EXD3: variants seen among roughly 807,000 people sequenced by gnomAD.
EXD3 encodes the protein exonuclease 3'-5' domain containing 3.
In EXD3, 92 loss-of-function variants were observed where a neutral mutation model predicts 98.0. That is an observed-to-expected ratio of 0.94 (90% confidence interval 0.79 to 1.12). The LOEUF is 1.12. EXD3 is among the 50% of genes most tolerant of loss of function. The pLI, the probability that EXD3 is intolerant of heterozygous loss-of-function variation, is 0.00. For missense variants in EXD3, 1,222 were observed against 1,191.6 expected (o/e 1.03, Z -0.38); for synonymous variants, 569 against 526.0 (o/e 1.08, Z -1.12).
In EXD3 at chr9:137,394,873, C is replaced by T. The variant is rs192992304; in HGVS notation, c.55+430G>A. Among the ~76,000 whole-genome samples, 81 of 152,230 alleles carry T rather than the reference C, an allele frequency of 5.3e-4. 1 individual carries two copies. The highest frequency in any genetic ancestry group is 1.6e-3 in the Admixed American group (25 of 15,300). On this transcript the variant is annotated intron_variant, in intron 2 of 21. Coordinates refer to ENST00000340951, the MANE Select transcript of EXD3 (RefSeq NM_017820.5). ...CCCTGGAGGCCACCCTGGAACCGCC[C>T]GAGACCCAAGAGGCTGTGGGTTCCC...
In EXD3 at chr9:137,349,006, C is replaced by T. The variant is rs1253011715; in HGVS notation, c.1830+104G>A. ...CTCCAGGAGCTGGGCCCCCTCCACA[C>T]GCTCTGACCCAGTGGCCTTGTCTCC... On this transcript the variant is annotated intron_variant, in intron 16 of 21. Coordinates refer to ENST00000340951, the MANE Select transcript of EXD3 (RefSeq NM_017820.5). The surrounding 1 kb of genome is among the most constrained non-coding windows in gnomAD (Gnocchi z 7.4). The T allele has an allele frequency of 2.1e-5, 29 of 1,350,260 alleles. No individual in the cohort carries two copies. In the East Asian group the frequency reaches 2.5e-4, roughly 12 times the overall value. 83.6% of individuals were successfully genotyped at this position (1,350,260 alleles called of 1,614,324 possible).
chr9:137,373,300 C>A, intron 4 of EXD3, 126 bp downstream of exon 4: 1 of 1,251,680 alleles, frequency 8.0e-7, no homozygotes, highest in Non-Finnish European at 1.1e-6. Flanking sequence ...TAGCCCCCAG[C>A]ATCCCCCTCC....
intron 11 of EXD3, 136 bp downstream of exon 11, chr9:137,352,484 T>G: frequency 6.0e-6 from 6 of 996,176 alleles, no homozygotes; most frequent in Non-Finnish European, 8.6e-6. Flanking sequence ...GCTCTGTGTA[T>G]AGCTGCGCTC....
chr9:137,352,173 C>T lies in EXD3; in HGVS notation c.1066G>A (p.Val356Met), dbSNP rs759819456. The T allele has an allele frequency of 1.7e-5, 27 of 1,612,684 alleles. 1 individual carries two copies. The Middle Eastern group carries it at 6.6e-4, about 39-fold the overall frequency. ...TAGTAACGGTCCTTCATGTCCTTCACCTCCAGCCTCGAGTCAGCCTCAGTC... is the reference window on the plus strand; with the variant it reads ...TAGTAACGGTCCTTCATGTCCTTCATCTCCAGCCTCGAGTCAGCCTCAGTC... Reference protein sequence around the residue: ...RATEADSRLEVKDMKDRYYQL... With the variant: ...RATEADSRLEMKDMKDRYYQL... The change falls in exon 12 of 22, where the codon GTG becomes ATG. Residue 356 changes from valine (V) to methionine (M), a missense_variant. By Grantham distance (21) the Val-to-Met change is conservative (BLOSUM62 1). Coordinates refer to ENST00000340951, the MANE Select transcript of EXD3 (RefSeq NM_017820.5).
chr9:137,394,621 G>T (rs1343292809), intron 2 of EXD3, among the ~76,000 whole-genome samples: 2 of 152,154 alleles, frequency 1.3e-5, no homozygotes, highest in African/African-American at 2.4e-5. Context: ...GCAGGGTCTC[G>T]ATCTGTAGGA....
chr9:137,368,693 G>A (rs1835404828), intron 5 of EXD3, among the ~76,000 whole-genome samples: 2 of 152,260 alleles, frequency 1.3e-5, no homozygotes. Context: ...CAAAATAGCG[G>A]CCTGGGAAAG....
chr9:137,395,840 C>A lies in EXD3; in HGVS notation c.-47-436G>T, dbSNP rs994270973. The stretch of plus-strand genomic sequence containing the variant: ...CAAGGGCGCCTGCAGGACCAGGGAC[C>A]TCGGAGTGACGCCCTCACGGCTGAC... On this transcript the variant is annotated intron_variant, in intron 1 of 21. Transcript: ENST00000340951. The surrounding 1 kb of genome is among the most constrained non-coding windows in gnomAD (Gnocchi z 6.5). Among the ~76,000 whole-genome samples the A allele has an allele frequency of 6.6e-6, 1 of 152,186 alleles. No individual in the cohort carries two copies. The highest frequency in any genetic ancestry group is 2.4e-5 in the African/African-American group (1 of 41,454).
intron 3 of EXD3, among the ~76,000 whole-genome samples, chr9:137,380,770 TG>T (rs1242867951): frequency 7.1e-6 from 1 of 141,454 alleles, no homozygotes; most frequent in Non-Finnish European, 1.5e-5. Flanking sequence ...GTAGTGGGGC[TG>T]GGGGGGTCCC....
At chr9:137,359,035 C>T (rs532037844) in intron 7 of EXD3, among the ~76,000 whole-genome samples, 1 of 144,184 alleles carries the variant, frequency 6.9e-6, no homozygotes, top group African/African-American at 2.5e-5. Context: ...CAAGCTCCGC[C>T]TCCTGGGTTC....
chr9:137,362,150 C>T (rs1384763615), intron 7 of EXD3, among the ~76,000 whole-genome samples: 1 of 152,130 alleles, frequency 6.6e-6, no homozygotes, highest in African/African-American at 2.4e-5. Flanking sequence ...GGGAGTAATT[C>T]CAAGCTCATT....
intron 17 of EXD3, among the ~76,000 whole-genome samples, chr9:137,328,124 A>G: frequency 6.6e-6 from 1 of 150,872 alleles, no homozygotes; most frequent in Non-Finnish European, 1.5e-5. Flanking sequence ...CCATATGATG[A>G]GTAAAAACAA....
rs1279564641 is a variant in EXD3, at chr9:137,371,604, G to A, written c.462+1301C>T. Among the ~76,000 whole-genome samples the A allele has an allele frequency of 6.6e-6, 1 of 151,962 alleles. No individual in the cohort carries two copies. The highest frequency in any genetic ancestry group is 1.5e-5 in the Non-Finnish European group (1 of 67,922). ...CCTGAAGTAAGGGGGCCCTAATGGG[G>A]CGGGGAGTGGACCAGTGCCCCTGAG... On this transcript the variant is annotated intron_variant, in intron 5 of 21. Coordinates refer to ENST00000340951, the MANE Select transcript of EXD3 (RefSeq NM_017820.5). The surrounding 1 kb of genome is among the most constrained non-coding windows in gnomAD (Gnocchi z 8.0).
chr9:137,395,474 CAG>C lies in EXD3; in HGVS notation c.-47-72_-47-71del. 1 of 1,466,286 alleles carries C rather than the reference CAG, an allele frequency of 6.8e-7. No homozygotes were observed. The highest frequency in any genetic ancestry group is 9.3e-7 in the Non-Finnish European group (1 of 1,069,586). 90.8% of individuals were successfully genotyped at this position (1,466,286 alleles called of 1,614,324 possible). ...GGCAGCCATGCAGAGCCCACGCCCA[CAG>C]CCCCTGGAGGTGGTGGAGGGAGCTG... is the stretch of plus-strand genomic sequence containing the variant. On this transcript the variant is annotated intron_variant, in intron 1 of 21. Coordinates refer to ENST00000340951, the MANE Select transcript of EXD3 (RefSeq NM_017820.5). This position sits in a 1 kb window ranked among gnomAD's most constrained non-coding sequence, Gnocchi z 6.5.
Position 137,349,098 on chromosome 9 carries a change from G to T in EXD3, c.1830+12C>A. On this transcript the variant is annotated intron_variant, in intron 16 of 21. Transcript: ENST00000340951. This position sits in a 1 kb window ranked among gnomAD's most constrained non-coding sequence, Gnocchi z 7.4. ...GAATGCTGACAAACGGACCCTGCGG[G>T]GCTTCACCCACCTGCCTGGGTGCGG... 1 of 1,587,332 alleles carries T rather than the reference G, an allele frequency of 6.3e-7. No individual in the cohort carries two copies.
intron 17 of EXD3, among the ~76,000 whole-genome samples, chr9:137,340,082 A>C (rs1181872369): frequency 2.6e-5 from 4 of 152,246 alleles, no homozygotes; most frequent in Admixed American, 1.3e-4. Flanking sequence ...ATGTATCAGC[A>C]GAAAATAAAA....
At position 137,366,489 on chromosome 9, in the gene EXD3, T is replaced by C; in HGVS notation, c.656+4A>G. 1 of 1,548,812 alleles carries C rather than the reference T, an allele frequency of 6.5e-7. No homozygotes were observed. The highest frequency in any genetic ancestry group is 8.7e-7 in the Non-Finnish European group (1 of 1,145,754). On this transcript the variant is annotated splice_donor_region_variant and intron_variant, in intron 7 of 21. Coordinates refer to ENST00000340951, the MANE Select transcript of EXD3 (RefSeq NM_017820.5). ...GCCAGCTGCCAGCGCCCCACGGGAC[T>C]CACCTGGCAACGTCCTTGATGTCAA...
Position 137,328,276 on chromosome 9 carries a change from C to T in EXD3, c.1999-4133G>A, listed in dbSNP as rs61613258. ...AGTAAAAACAACAAATAAACACCCA[C>T]ATGATGAGTAAAAACAACGAATAAA... On this transcript the variant is annotated intron_variant, in intron 17 of 21. Transcript: ENST00000340951. 8.1e-3 allele frequency among the ~76,000 whole-genome samples: 16 copies of T among 1,970 alleles called. 1 individual carries two copies. The highest frequency in any genetic ancestry group is 0.042 in the South Asian group (1 of 24). The allele number at this position is 1,970 out of a possible 152,430, so 1.3% of individuals were successfully genotyped here.
chr9:137,328,122 T>G (rs1588260158), intron 17 of EXD3, among the ~76,000 whole-genome samples: 1 of 147,304 alleles, frequency 6.8e-6, no homozygotes, highest in Non-Finnish European at 1.5e-5. Flanking sequence ...ACCCATATGA[T>G]GAGTAAAAAC....
chr9:137,398,794 G>A (rs186642461), intron 1 of EXD3, among the ~76,000 whole-genome samples: 3,263 of 129,304 alleles, frequency 0.025, 264 homozygotes, highest in African/African-American at 0.097. Context: ...AGGCACCCGC[G>A]TCCCCGTGAC....
Sources: allele counts gnomAD v4.1 joint callset (sites outside exome capture counted in the v4.1 genomes callset), GRCh38; gene constraint gnomAD v4.1.1; non-coding constraint Gnocchi (gnomAD v3.1); transcripts MANE v1.5; gene names NCBI Gene and HGNC (gene_info 2026-07-23, HGNC 2026-07-21).